HMCN2: variants seen among roughly 807,000 people sequenced by gnomAD.
HMCN2 encodes the protein hemicentin 2, also known as hemicentin-2.
In HMCN2, 325 loss-of-function variants were observed where a neutral mutation model predicts 377.5. That is an observed-to-expected ratio of 0.86 (90% CI 0.79 to 0.94). The LOEUF (loss-of-function observed/expected upper bound fraction) is 0.94. Among genes scored for constraint, HMCN2 ranks in the 40% least tolerant of loss-of-function variants. HMCN2 has a pLI of 0.00. For synonymous variants in HMCN2, 2,007 were observed against 2,046.8 expected, an observed-to-expected ratio of 0.98 and a Z score of 0.53; for missense variants, 4,543 against 4,725.3, an observed-to-expected ratio of 0.96 and a Z score of 1.13.
chr9:130,281,181 C>G lies in HMCN2; in HGVS notation c.260-3422C>G, dbSNP rs1835099819. On this transcript the variant is annotated intron_variant, in intron 1 of 97. Transcript: ENST00000683500. ...TTTTGCCTGTCAGGAATTTCTATGT[C>G]TATTTCCCTGAGAGCAGGAGTTAAG... Among the ~76,000 whole-genome samples, 8 of 151,790 alleles carry G rather than the reference C, an allele frequency of 5.3e-5. No individual in the cohort carries two copies. The South Asian group carries it at 1.7e-3, about 32-fold the overall frequency.
rs1052142522 is a variant in HMCN2 at position 130,394,762 on chromosome 9, G to T, written c.10692+187G>T. ...GAGCTGCCAGCAGGGTCAGGGCCCAGGCTGATGCCAAAACCAGGTGACCCC... is the reference window on the plus strand; with the variant it reads ...GAGCTGCCAGCAGGGTCAGGGCCCATGCTGATGCCAAAACCAGGTGACCCC... On this transcript the variant is annotated intron_variant, in intron 69 of 97. Coordinates refer to ENST00000683500, the MANE Select transcript of HMCN2 (RefSeq NM_001291815.2). The surrounding 1 kb of genome is among the most constrained non-coding windows in gnomAD (Gnocchi z 5.1). Among the ~76,000 whole-genome samples, 2 of 152,208 alleles carry T rather than the reference G, an allele frequency of 1.3e-5. No homozygotes were observed. The highest frequency in any genetic ancestry group is 2.9e-5 in the Non-Finnish European group (2 of 68,032).
In HMCN2 at chr9:130,382,823, C is replaced by G. The variant is rs866161155; in HGVS notation, c.8690C>G (p.Pro2897Arg). The change falls in exon 56 of 98, where the codon CCG (proline) becomes CGG (arginine). Residue 2897 changes from proline to arginine, a missense_variant. Around this residue, in one of 5 missense-constraint regions of HMCN2, gnomAD observed 736 missense variants for 773.2 expected, o/e 0.95. Coordinates refer to ENST00000683500, the MANE Select transcript of HMCN2 (RefSeq NM_001291815.2). Reference protein sequence around the residue: ...SWLQNGLPFSPSPRLQVLEDG... With the variant: ...SWLQNGLPFSRSPRLQVLEDG... ...CTCCAGAATGGGCTGCCTTTCTCCC[C>G]GAGCCCACGGCTGCAGGTCCTGGAG... 9.1e-6 allele frequency: 9 copies of G among 985,804 alleles called. No homozygotes were observed. The highest frequency in any genetic ancestry group is 1.1e-4 in the East Asian group (1 of 8,828). 61.1% of individuals were successfully genotyped at this position (985,804 alleles called of 1,614,324 possible).
chr9:130,392,783 T>C (rs981261338), intron 66 of HMCN2, among the ~76,000 whole-genome samples: 5 of 152,144 alleles, frequency 3.3e-5, no homozygotes, highest in Non-Finnish European at 2.9e-5. Flanking sequence ...GATTACAAGG[T>C]CAGGAGATCA....
At chr9:130,427,746 G>C in intron 92 of HMCN2, 127 bp downstream of exon 92, 2 of 1,200,716 alleles carry the variant, frequency 1.7e-6, no homozygotes, top group Non-Finnish European at 2.3e-6. Flanking sequence ...ATTCTTGAGG[G>C]TTTTGATGTC....
rs934408805 is a variant in HMCN2 at position 130,408,809 on chromosome 9, T to G, written c.12755T>G (p.Leu4252Arg). The change falls in exon 84 of 98, where the codon CTA becomes CGA. Residue 4252 changes from leucine to arginine, a missense_variant. By Grantham distance (102) the Leu-to-Arg change is moderately radical. Coordinates refer to ENST00000683500, the MANE Select transcript of HMCN2 (RefSeq NM_001291815.2). ...GAACCTGTAGGAGGCAGCATTCAGC[T>G]AGACTGTGTGGTGCGTGGAGACCCA... ...LVEPVGGSIQ[L>R]DCVVRGDPVP... The G allele has an allele frequency of 3.1e-6, 4 of 1,289,644 alleles. No homozygotes were observed. The African/African-American group carries it at 6.1e-5, about 20-fold the overall frequency. The allele number at this position is 1,289,644 out of a possible 1,614,324, so 79.9% of individuals were successfully genotyped here.
At chr9:130,286,021 G>A (rs1588172993) in intron 3 of HMCN2, among the ~76,000 whole-genome samples, 167 bp from the exon 4 acceptor site, 2 of 152,292 alleles carry the variant, frequency 1.3e-5, no homozygotes, top group Admixed American at 6.5e-5. Flanking sequence ...CATGAGATGG[G>A]CACTTCTATT....
In HMCN2 at chr9:130,360,593, T is replaced by A. The variant is rs1253107834; in HGVS notation, c.5939T>A (p.Leu1980Gln). The A allele has an allele frequency of 1.5e-6, 2 of 1,297,394 alleles. No homozygotes were observed. Among genetic ancestry groups the A allele is most frequent in the Non-Finnish European group, 2.0e-6 (2 of 984,814 alleles). 80.4% of individuals were successfully genotyped at this position (1,297,394 alleles called of 1,614,324 possible). A position where few individuals can be genotyped will look rare whatever the true frequency, so the allele number is the denominator to read the frequency against. ...VAGSTELRYG[L>Q]RVNVPPRITL... ...GGTAGCACAGAGCTGCGGTATGGCC[T>A]ACGGGTCAATGGTGAGCTTCCCTGG... Residue 1980 changes from leucine (L) to glutamine (Q), a missense_variant, in exon 38 of 98, where the codon CTA (leucine) becomes CAA (glutamine). Leu to Gln is a moderately radical substitution (Grantham distance 113, BLOSUM62 -2). Around this residue, in one of 5 missense-constraint regions of HMCN2, gnomAD observed 1,032 missense variants for 1,285.1 expected, o/e 0.80. Transcript: ENST00000683500. The surrounding 1 kb of genome is among the most constrained non-coding windows in gnomAD (Gnocchi z 4.7).
At position 130,362,935 on chromosome 9, in the gene HMCN2, C is replaced by G. The variant is rs879639004; in HGVS notation, c.6177C>G (p.Cys2059Trp). 2.3e-5 allele frequency: 23 copies of G among 985,788 alleles called. No individual in the cohort carries two copies. Among genetic ancestry groups the G allele is most frequent in the Admixed American group, 6.2e-5 (1 of 16,260 alleles). 61.1% of individuals were successfully genotyped at this position (985,788 alleles called of 1,614,324 possible). A position where few individuals can be genotyped will look rare whatever the true frequency, so the allele number is the denominator to read the frequency against. The change falls in exon 40 of 98, where the codon TGC becomes TGG. Residue 2059 changes from cysteine to tryptophan, a missense_variant. Coordinates refer to ENST00000683500, the MANE Select transcript of HMCN2 (RefSeq NM_001291815.2). ...CCTCCGACTCTGGGAGGTACTCCTG[C>G]GTGGCTGTGAGCGCGGTGGGCGAGG... is the stretch of plus-strand genomic sequence containing the variant. ...ARASDSGRYS[C>W]VAVSAVGEDR... is the part of the protein sequence containing the mutation.
chr9:130,315,208 CTCCCCT>C (rs1837483511), intron 15 of HMCN2, among the ~76,000 whole-genome samples: 2 of 3,982 alleles, frequency 5.0e-4, no homozygotes, highest in Non-Finnish European at 1.5e-3. Flanking sequence ...CCTCCCTCCC[CTCCCCT>C]CCCTCCCCTC....
chr9:130,286,059 A>AT (rs1835394149), intron 3 of HMCN2, 129 bp from the exon 4 acceptor site: 2 of 389,088 alleles, frequency 5.1e-6, no homozygotes, highest in Non-Finnish European at 5.3e-6. Flanking sequence ...GTCATATGTC[A>AT]TTCTATACAT....
chr9:130,392,914 T>A (rs1402391988), intron 66 of HMCN2, among the ~76,000 whole-genome samples: 2 of 151,542 alleles, frequency 1.3e-5, no homozygotes, highest in Non-Finnish European at 2.9e-5. Context: ...GAGAATGGCG[T>A]GAACCCGGGA....
At position 130,369,559 on chromosome 9, in the gene HMCN2, C is replaced by T. The variant is rs1286325560; in HGVS notation, c.6788-11C>T. 1.0e-6 allele frequency: 1 copy of T among 985,610 alleles called. No homozygotes were observed. Among genetic ancestry groups the T allele is most frequent in the Non-Finnish European group, 1.2e-6 (1 of 829,848 alleles). The allele number at this position is 985,610 out of a possible 1,614,324, so 61.1% of individuals were successfully genotyped here. A position where few individuals can be genotyped will look rare whatever the true frequency, so the allele number is the denominator to read the frequency against. ...AGCTTTCTCTGATGGGCTTTCTCCC[C>T]ACCCCAACAGTTCCCCCTCAGATTG... On this transcript the variant is annotated splice_polypyrimidine_tract_variant and intron_variant, in intron 44 of 97. Coordinates refer to ENST00000683500, the MANE Select transcript of HMCN2 (RefSeq NM_001291815.2). This position sits in a 1 kb window ranked among gnomAD's most constrained non-coding sequence, Gnocchi z 4.5.
chr9:130,429,573 G>A lies in HMCN2; in HGVS notation c.14214G>A (p.Leu4738=). Residue 4738 remains leucine, a synonymous_variant, in exon 94 of 98, where the codon CTG becomes CTA. Transcript: ENST00000683500. ...GAGCEDVDEC[L]EGLDDCHYNQ... ...GCCTCCCAGATGTGGACGAATGCCT[G>A]GAGGGGTTGGACGACTGTCACTACA... The A allele has an allele frequency of 1.3e-6, 2 of 1,550,492 alleles. No individual in the cohort carries two copies. The highest frequency in any genetic ancestry group is 2.4e-5 in the South Asian group (2 of 84,058).
At chr9:130,274,684 T>C (rs374629466) in intron 1 of HMCN2, among the ~76,000 whole-genome samples, 8 of 152,342 alleles carry the variant, frequency 5.3e-5, no homozygotes, top group African/African-American at 1.9e-4. Context: ...CTTGTGTGCA[T>C]GTATGTGTAT....
Position 130,342,056 on chromosome 9 carries a change from T to TAAATAAATAAAA in HMCN2, c.3743-287_3743-286insTAAAAAAATAAA, listed in dbSNP as rs1554947880. 3.0e-3 allele frequency among the ~76,000 whole-genome samples: 441 copies of TAAATAAATAAAA among 148,082 alleles called. 1 individual carries two copies. The highest frequency in any genetic ancestry group is 9.8e-3 in the African/African-American group (396 of 40,592). On this transcript the variant is annotated intron_variant, in intron 24 of 97. Coordinates refer to ENST00000683500, the MANE Select transcript of HMCN2 (RefSeq NM_001291815.2). ...ATAAATAAATAAATAAATAAATAAATAAATAAAAGCTTGGAAAGCCACTGC... is the reference window on the plus strand; with the variant it reads ...ATAAATAAATAAATAAATAAATAAATAAATAAATAAAAAAATAAAAGCTTGGAAAGCCACTGC...
At position 130,331,895 on chromosome 9, in the gene HMCN2, C is replaced by T. The variant is rs1019434439; in HGVS notation, c.3359+4420C>T. On this transcript the variant is annotated intron_variant, in intron 22 of 97. Coordinates refer to ENST00000683500, the MANE Select transcript of HMCN2 (RefSeq NM_001291815.2). ...GTGTGGGGGCAGTGAGAGGATGGTG[C>T]GTTTCTATCTCGTTCTTCCAGGTTT... is the stretch of plus-strand genomic sequence containing the variant. Among the ~76,000 whole-genome samples the T allele has an allele frequency of 2.4e-3, 370 of 152,228 alleles. 2 individuals are homozygous for T. The highest frequency in any genetic ancestry group is 8.6e-3 in the African/African-American group (357 of 41,538).
Position 130,400,917 on chromosome 9 carries a change from C to G in HMCN2, c.11740C>G (p.Arg3914Gly). The change falls in exon 77 of 98, where the codon CGG becomes GGG. Residue 3914 changes from arginine to glycine, a missense_variant. Physicochemically the swap from Arg to Gly is moderately radical, Grantham distance 125. Transcript: ENST00000683500. ...CAAGGCAGGCGCCCAGCTAGGAGCT[C>G]GGGGGAGTGGCTATCGTGTCTCACC... ...WSKAGAQLGA[R>G]GSGYRVSPSG... 2 of 1,289,048 alleles carry G rather than the reference C, an allele frequency of 1.6e-6. No individual in the cohort carries two copies. The highest frequency in any genetic ancestry group is 2.0e-6 in the Non-Finnish European group (2 of 988,538). 79.9% of individuals were successfully genotyped at this position (1,289,048 alleles called of 1,614,324 possible).
intron 85 of HMCN2, among the ~76,000 whole-genome samples, chr9:130,413,872 G>A (rs1299497853): frequency 1.3e-5 from 2 of 152,024 alleles, no homozygotes; most frequent in Non-Finnish European, 2.9e-5. Context: ...CTAACTGGGT[G>A]TGGTGGCTCG....
chr9:130,391,820 C>A, intron 65 of HMCN2, 115 bp from the exon 66 acceptor site: 1 of 637,994 alleles, frequency 1.6e-6, no homozygotes, highest in Non-Finnish European at 2.0e-6. Context: ...CACAAGGGAC[C>A]ACTGTGGTTG....
Sources: gnomAD v4.1 joint callset for allele counts (sites outside exome capture counted in the v4.1 genomes callset) on GRCh38, gnomAD v4.1.1 for gene constraint, gnomAD v4.1.1 regional missense constraint, Gnocchi (gnomAD v3.1) non-coding constraint, MANE v1.5 for transcripts, NCBI Gene and HGNC (gene_info 2026-07-23, HGNC 2026-07-21) for gene names.